The following POLE2 variants were observed in gnomAD, a reference collection of about 807,000 sequenced individuals.
The protein encoded by POLE2 is DNA polymerase epsilon 2, accessory subunit.
In POLE2, 56 loss-of-function variants were observed where a neutral mutation model predicts 79.4. The observed-to-expected ratio is 0.71, with a 90% confidence interval of 0.57 to 0.88. The LOEUF (loss-of-function observed/expected upper bound fraction) is 0.88. POLE2 is among the 40% of genes least tolerant of loss of function. POLE2 has a pLI of 0.00. For synonymous variants in POLE2, 212 were observed against 214.0 expected, an observed-to-expected ratio of 0.99 and a Z score of 0.08; for missense variants, 598 against 638.9, an observed-to-expected ratio of 0.94 and a Z score of 0.69.
At chr14:49,657,981 A>G (rs573123768) in intron 10 of POLE2, among the ~76,000 whole-genome samples, 1 of 152,166 alleles carries the variant, frequency 6.6e-6, no homozygotes, top group South Asian at 2.1e-4. Context: ...CAGAGGTGAG[A>G]TTCAAATGCC....
chr14:49,645,036 C>A (rs1883660053), intron 18 of POLE2, among the ~76,000 whole-genome samples: 2 of 98,890 alleles, frequency 2.0e-5, no homozygotes, highest in South Asian at 2.3e-4. Flanking sequence ...AGCAAAACTC[C>A]GTCTCACAAA....
At chr14:49,670,969 AAGAAG>A (rs1334461134) in intron 5 of POLE2, among the ~76,000 whole-genome samples, 5 of 152,344 alleles carry the variant, frequency 3.3e-5, no homozygotes, top group Admixed American at 3.3e-4. Flanking sequence ...ATGCCCAGCC[AAGAAG>A]TTTGTCCTAT....
chr14:49,651,394 A>G lies in POLE2; in HGVS notation c.1212-17T>C. The G allele has an allele frequency of 9.0e-7, 1 of 1,110,314 alleles. No individual in the cohort carries two copies. The highest frequency in any genetic ancestry group is 1.3e-6 in the Non-Finnish European group (1 of 761,952). 68.8% of individuals were successfully genotyped at this position (1,110,314 alleles called of 1,614,324 possible). Reference sequence around the variant, plus strand: ...TACTGAATTCTGAAATGAAAACAGTAGTTGAATTTGACTTCTCAGAAAAAA... The same window carrying G: ...TACTGAATTCTGAAATGAAAACAGTGGTTGAATTTGACTTCTCAGAAAAAA... On this transcript the variant is annotated splice_polypyrimidine_tract_variant and intron_variant, in intron 15 of 18. Transcript: ENST00000216367.
In POLE2 at chr14:49,669,597, C is replaced by G. The variant is rs777318664; in HGVS notation, c.419G>C (p.Arg140Thr). The change falls in exon 6 of 19, where the codon AGG (arginine) becomes ACG (threonine). Residue 140 changes from arginine (R) to threonine (T), a missense_variant and splice_region_variant. By Grantham distance (71) the Arg-to-Thr change is moderately conservative. Transcript: ENST00000216367. Reference protein sequence around the residue: ...FRERYTILHQRTHRHELFTPP... With the variant: ...FRERYTILHQTTHRHELFTPP... ...AGTAAATAATTCATGCCTGTGGGTC[C>G]TCTATAAAAAAGAAAGATTCACATG... is the stretch of plus-strand genomic sequence containing the variant. 5.2e-6 allele frequency: 8 copies of G among 1,549,242 alleles called. No homozygotes were observed. The Admixed American group carries it at 1.4e-4, about 26-fold the overall frequency.
At chr14:49,672,016 A>G (rs753652527) in intron 5 of POLE2, among the ~76,000 whole-genome samples, 1 of 152,168 alleles carries the variant, frequency 6.6e-6, no homozygotes, top group Non-Finnish European at 1.5e-5. Flanking sequence ...CAGGCTCCAG[A>G]AAGGAGGAAT....
chr14:49,647,314 G>T lies in POLE2; in HGVS notation c.1544C>A (p.Ser515Tyr). The T allele has an allele frequency of 6.4e-7, 1 of 1,566,696 alleles. No individual in the cohort carries two copies. The highest frequency in any genetic ancestry group is 8.7e-7 in the Non-Finnish European group (1 of 1,149,604). The stretch of plus-strand genomic sequence containing the variant: ...TTACCTATCTTCTACTGTCTTATTA[G>T]AAGGATAAAAAACTTTGAATGAAAA... ...SGFSFKVFYP[S>Y]NKTVEDSKLQ... is the part of the protein sequence containing the mutation. Residue 515 changes from serine to tyrosine, a missense_variant, in exon 18 of 19, where the codon TCT (serine) becomes TAT (tyrosine). Ser to Tyr is a moderately radical substitution (Grantham distance 144). Transcript: ENST00000216367.
At chr14:49,678,864 C>CCAGG (rs1886498516) in intron 3 of POLE2, among the ~76,000 whole-genome samples, 1 of 152,044 alleles carries the variant, frequency 6.6e-6, no homozygotes, top group Non-Finnish European at 1.5e-5. Flanking sequence ...ACCATGTTGG[C>CCAGG]CAGGCTGGTC....
At chr14:49,649,657 G>C (rs2139607269) in intron 17 of POLE2, among the ~76,000 whole-genome samples, 1 of 151,322 alleles carries the variant, frequency 6.6e-6, no homozygotes, top group East Asian at 1.9e-4. Flanking sequence ...CACCATGTTG[G>C]TCAGGCTGGT....
chr14:49,655,164 T>A (rs1594569302), intron 11 of POLE2, 70 bp from the exon 12 acceptor site: 1 of 549,006 alleles, frequency 1.8e-6, no homozygotes, highest in East Asian at 3.7e-5. Context: ...CCTTTAACCA[T>A]GACTTTCTAA....
chr14:49,649,676 C>A (rs1055019140), intron 17 of POLE2, among the ~76,000 whole-genome samples: 2 of 151,768 alleles, frequency 1.3e-5, no homozygotes, highest in Admixed American at 6.6e-5. Flanking sequence ...GTCTTGAACT[C>A]CTGACCTCGT....
At chr14:49,653,217 T>C (rs553783501) in intron 15 of POLE2, among the ~76,000 whole-genome samples, 1 of 152,182 alleles carries the variant, frequency 6.6e-6, no homozygotes, top group African/African-American at 2.4e-5. Flanking sequence ...AGTGGAAATA[T>C]AAATGTGGAA....
Position 49,664,306 on chromosome 14 carries a change from G to A in POLE2, c.682+320C>T, listed in dbSNP as rs111877438. 7.3e-4 allele frequency among the ~76,000 whole-genome samples: 107 copies of A among 147,200 alleles called. 1 individual carries two copies. Among genetic ancestry groups the A allele is most frequent in the African/African-American group, 2.5e-3 (99 of 39,470 alleles). Reference sequence around the variant, plus strand: ...GGAGGTTGCAGTGAGCCGAGATCGCGCCACTGCACTCCAGCCTAGGTGACA... The same window carrying A: ...GGAGGTTGCAGTGAGCCGAGATCGCACCACTGCACTCCAGCCTAGGTGACA... On this transcript the variant is annotated intron_variant, in intron 9 of 18. Transcript: ENST00000216367.
At chr14:49,673,788 C>T (rs538437326) in intron 5 of POLE2, among the ~76,000 whole-genome samples, 5 of 152,040 alleles carry the variant, frequency 3.3e-5, no homozygotes, top group African/African-American at 7.2e-5. Context: ...TTTCCTGATC[C>T]GTAAAATGGG....
chr14:49,671,279 G>A (rs146259031), intron 5 of POLE2, among the ~76,000 whole-genome samples: 103 of 152,250 alleles, frequency 6.8e-4, no homozygotes, highest in African/African-American at 2.3e-3. Context: ...ACAGGGATAA[G>A]CACCTCAAAT....
At position 49,664,658 on chromosome 14, in the gene POLE2, A is replaced by C; in HGVS notation, c.650T>G (p.Leu217Ter). The change falls in exon 9 of 19, where the codon TTA (leucine) becomes TGA (stop). Residue 217 changes from leucine to a stop codon, truncating the protein, a stop_gained. Coordinates refer to ENST00000216367, the MANE Select transcript of POLE2 (RefSeq NM_002692.4). LOFTEE classifies it high-confidence loss of function. ...DLSKAQFHSGLYTEACFVLAE... is the reference protein window; with the variant it reads ...DLSKAQFHSG Reference sequence around the variant, plus strand: ...TAAGACAAAGCATGCCTCTGTGTATAAACCACTATGGAACTGGTACACAAC... The same window carrying C: ...TAAGACAAAGCATGCCTCTGTGTATCAACCACTATGGAACTGGTACACAAC... 1 of 1,593,504 alleles carries C rather than the reference A, an allele frequency of 6.3e-7. No individual in the cohort carries two copies. The highest frequency in any genetic ancestry group is 2.2e-5 in the East Asian group (1 of 44,690).
intron 1 of POLE2, chr14:49,684,456 C>T (rs1360626611): frequency 6.6e-6 from 1 of 150,604 alleles, no homozygotes; most frequent in Non-Finnish European, 1.5e-5. Context: ...GAGAGCGAGA[C>T]TCCGTCTCAA....
At position 49,655,040 on chromosome 14, in the gene POLE2, G is replaced by A; in HGVS notation, c.983C>T (p.Ala328Val). The change falls in exon 12 of 19, where the codon GCA (alanine) becomes GTA (valine). Residue 328 changes from alanine (A) to valine (V), a missense_variant. Transcript: ENST00000216367. ...CFILCGNFSSAPYGKNQVQAL... is the reference protein window; with the variant it reads ...CFILCGNFSSVPYGKNQVQAL... ...TTGAACTTGATTTTTTCCATATGGT[G>A]CAGATGAAAAATTACCACACAGAAT... 1.9e-6 allele frequency: 3 copies of A among 1,580,576 alleles called. No homozygotes were observed. The highest frequency in any genetic ancestry group is 1.7e-6 in the Non-Finnish European group (2 of 1,162,036).
At chr14:49,674,247 TC>T (rs1164859435) in intron 4 of POLE2, 31 bp from the exon 5 acceptor site, 2 of 1,515,450 alleles carry the variant, frequency 1.3e-6, no homozygotes, top group African/African-American at 2.7e-5. Context: ...TTTTTGACTA[TC>T]ATAATACACA....
intron 17 of POLE2, among the ~76,000 whole-genome samples, chr14:49,649,510 C>A (rs945976161): frequency 2.0e-5 from 3 of 151,074 alleles, no homozygotes; most frequent in African/African-American, 7.3e-5. Flanking sequence ...AGTGCAATGG[C>A]GTGATCTCCG....
Sources: allele counts gnomAD v4.1 joint callset (sites outside exome capture counted in the v4.1 genomes callset), GRCh38; gene constraint gnomAD v4.1.1; transcripts MANE v1.5; gene names NCBI Gene and HGNC (gene_info 2026-07-23, HGNC 2026-07-21).